KCNIP3: variants seen among roughly 807,000 people sequenced by gnomAD.
The protein encoded by KCNIP3 is calsenilin.
KCNIP3 carries 28 observed loss-of-function variants against 35.0 expected under a neutral mutation model. The ratio of observed to expected loss-of-function variants is 0.80; its 90% CI spans 0.59 to 1.10. The LOEUF (loss-of-function observed/expected upper bound fraction) is 1.10, where lower values mean the gene tolerates loss of function less well. Ranked by LOEUF, KCNIP3 falls within the 50% of genes least tolerant of loss-of-function variation. The pLI is 0.00. For synonymous variants in KCNIP3, 134 were observed against 133.8 expected (o/e 1.00, Z -0.01); for missense variants, 295 against 338.4 (o/e 0.87, Z 1.01).
At chr2:95,326,360 AC>A (rs1184939434) in intron 2 of KCNIP3, among the ~76,000 whole-genome samples, 1 of 152,008 alleles carries the variant, frequency 6.6e-6, no homozygotes, top group African/African-American at 2.4e-5. Flanking sequence ...ATAAACACAC[AC>A]CCCAGTACAC....
At chr2:95,359,063 A>G (rs571893654) in intron 2 of KCNIP3, among the ~76,000 whole-genome samples, 4 of 152,318 alleles carry the variant, frequency 2.6e-5, no homozygotes, top group East Asian at 1.9e-4. Flanking sequence ...GGAGGGGACA[A>G]ACATTCAAAC....
chr2:95,329,705 C>G (rs1678879250), intron 2 of KCNIP3, among the ~76,000 whole-genome samples: 1 of 152,238 alleles, frequency 6.6e-6, no homozygotes, highest in South Asian at 2.1e-4. Context: ...GTCTGCTGGG[C>G]ATGGACCCCT....
chr2:95,346,511 C>G (rs1339693792), intron 2 of KCNIP3, among the ~76,000 whole-genome samples: 1 of 149,182 alleles, frequency 6.7e-6, no homozygotes, highest in East Asian at 2.0e-4. Context: ...GGACGCCTCC[C>G]GGAGTGGCCG....
At chr2:95,371,048 C>T (rs561583610) in intron 2 of KCNIP3, among the ~76,000 whole-genome samples, 3 of 152,244 alleles carry the variant, frequency 2.0e-5, no homozygotes, top group South Asian at 2.1e-4. Context: ...GGATTATAGG[C>T]GTGAGCCACT....
At chr2:95,346,982 G>A (rs370263713) in intron 2 of KCNIP3, 5 of 1,511,056 alleles carry the variant, frequency 3.3e-6, no homozygotes, top group Non-Finnish European at 4.5e-6. Context: ...GGCGAGGGGT[G>A]CGCCCGGGCC....
chr2:95,322,669 G>A (rs1678625984), intron 2 of KCNIP3, among the ~76,000 whole-genome samples: 1 of 152,228 alleles, frequency 6.6e-6, no homozygotes, highest in Admixed American at 6.5e-5. Context: ...TCTGTGAAGT[G>A]AAGGCTGGAG....
chr2:95,375,485 C>T (rs1281649400), intron 5 of KCNIP3, among the ~76,000 whole-genome samples: 1 of 152,072 alleles, frequency 6.6e-6, no homozygotes, highest in East Asian at 1.9e-4. Flanking sequence ...GAGACACACA[C>T]GGGTGGTAGT....
At chr2:95,327,279 G>A (rs1678816970) in intron 2 of KCNIP3, among the ~76,000 whole-genome samples, 2 of 152,168 alleles carry the variant, frequency 1.3e-5, no homozygotes, top group Admixed American at 1.3e-4. Flanking sequence ...CCCATCCCCA[G>A]GACCTCATTG....
intron 2 of KCNIP3, among the ~76,000 whole-genome samples, chr2:95,316,846 G>T (rs1390548868): frequency 6.6e-6 from 1 of 152,212 alleles, no homozygotes; most frequent in African/African-American, 2.4e-5. Flanking sequence ...GCCACATGTG[G>T]CTTGCAGGGT....
At chr2:95,311,077 G>GGGC (rs1678302457) in intron 2 of KCNIP3, 2 of 163,640 alleles carry the variant, frequency 1.2e-5, no homozygotes, top group Non-Finnish European at 2.7e-5. Context: ...AGAACGGGCA[G>GGGC]AAATCACTGC....
intron 1 of KCNIP3, among the ~76,000 whole-genome samples, chr2:95,301,130 A>T (rs1212133055): frequency 6.6e-6 from 1 of 152,216 alleles, no homozygotes; most frequent in African/African-American, 2.4e-5. Flanking sequence ...GCTCCAGAGA[A>T]CCAAACTGTA....
intron 2 of KCNIP3, among the ~76,000 whole-genome samples, chr2:95,328,582 T>C (rs1291550821): frequency 6.6e-6 from 1 of 152,228 alleles, no homozygotes; most frequent in Admixed American, 6.5e-5. Flanking sequence ...GTGTGGCACA[T>C]GCATGTGTGT....
chr2:95,309,875 T>C (rs1462899382), intron 1 of KCNIP3, among the ~76,000 whole-genome samples: 1 of 152,104 alleles, frequency 6.6e-6, no homozygotes, highest in Non-Finnish European at 1.5e-5. Context: ...TTTCATTCAT[T>C]CTCAGCTTGC....
intron 2 of KCNIP3, among the ~76,000 whole-genome samples, chr2:95,354,279 T>G (rs1164316535): frequency 5.9e-5 from 9 of 152,256 alleles, no homozygotes. Flanking sequence ...TCTCTATACT[T>G]AGGGCCTCAC....
chr2:95,357,601 T>G (rs1679685274), intron 2 of KCNIP3, among the ~76,000 whole-genome samples: 1 of 152,168 alleles, frequency 6.6e-6, no homozygotes, highest in African/African-American at 2.4e-5. Flanking sequence ...TGCCCAGTGC[T>G]CAGTCACTAA....
At chr2:95,318,001 G>A (rs1300863307) in intron 2 of KCNIP3, among the ~76,000 whole-genome samples, 2 of 151,948 alleles carry the variant, frequency 1.3e-5, no homozygotes, top group Admixed American at 6.5e-5. Flanking sequence ...GGCTACAGAA[G>A]GGACAGCTTT....
At chr2:95,374,550 G>A in intron 3 of KCNIP3, 130 bp downstream of exon 3, 1 of 1,181,964 alleles carries the variant, frequency 8.5e-7, no homozygotes, top group Non-Finnish European at 1.2e-6. Context: ...AAAGCTGTGT[G>A]GCGGGGGCAG....
At chr2:95,323,482 T>C (rs1245860766) in intron 2 of KCNIP3, among the ~76,000 whole-genome samples, 1 of 152,174 alleles carries the variant, frequency 6.6e-6, no homozygotes, top group African/African-American at 2.4e-5. Flanking sequence ...CCCGCAGGCC[T>C]GGCCACCCCT....
At chr2:95,324,238 G>C (rs1304202732) in intron 2 of KCNIP3, among the ~76,000 whole-genome samples, 7 of 152,222 alleles carry the variant, frequency 4.6e-5, no homozygotes, top group African/African-American at 7.2e-5. Flanking sequence ...AGGGCCGGGC[G>C]CGGTGGCTCA....
Sources: gnomAD v4.1 joint callset for allele counts (sites outside exome capture counted in the v4.1 genomes callset) on GRCh38, gnomAD v4.1.1 for gene constraint, MANE v1.5 for transcripts, NCBI Gene and HGNC (gene_info 2026-07-23, HGNC 2026-07-21) for gene names.